The following NUDCD1 variants were observed in gnomAD, a reference collection of about 807,000 sequenced individuals.
NUDCD1 encodes the protein NudC domain containing 1, also known as nudC domain-containing protein 1.
In NUDCD1, 60 loss-of-function variants were observed where a neutral mutation model predicts 67.8. The ratio of observed to expected loss-of-function variants is 0.88; its 90% CI spans 0.72 to 1.10. The LOEUF is 1.10. NUDCD1 is among the 50% of genes least tolerant of loss of function. The pLI is 0.00. For missense variants in NUDCD1, 643 were observed against 695.0 expected, an observed-to-expected ratio of 0.93 and a Z score of 0.84; for synonymous variants, 244 against 230.8, an observed-to-expected ratio of 1.06 and a Z score of -0.52.
intron 2 of NUDCD1, among the ~76,000 whole-genome samples, chr8:109,299,121 C>T (rs1028251324): frequency 6.6e-6 from 1 of 152,196 alleles, no homozygotes; most frequent in Non-Finnish European, 1.5e-5. Context: ...GGTTCCCTAA[C>T]AAACCATTTC....
At chr8:109,267,310 T>C (rs1814026308) in intron 8 of NUDCD1, among the ~76,000 whole-genome samples, 1 of 152,162 alleles carries the variant, frequency 6.6e-6, no homozygotes, top group Non-Finnish European at 1.5e-5. Flanking sequence ...TGGTGTCTGT[T>C]GTTTTTATTT....
At chr8:109,297,051 A>G (rs1814861309) in intron 2 of NUDCD1, among the ~76,000 whole-genome samples, 1 of 152,192 alleles carries the variant, frequency 6.6e-6, no homozygotes, top group South Asian at 2.1e-4. Flanking sequence ...ACCCACCTGA[A>G]CTACTCCCTG....
At position 109,271,145 on chromosome 8, in the gene NUDCD1, T is replaced by G; in HGVS notation, c.1174-15A>C. 6.7e-7 allele frequency: 1 copy of G among 1,495,666 alleles called. No homozygotes were observed. The highest frequency in any genetic ancestry group is 9.1e-7 in the Non-Finnish European group (1 of 1,098,670). The allele number at this position is 1,495,666 out of a possible 1,614,324, so 92.6% of individuals were successfully genotyped here. A position where few individuals can be genotyped will look rare whatever the true frequency, so the allele number is the denominator to read the frequency against. ...GGATTTGGATTCTTAGTCCAGAAAA[T>G]AAAATAAGTAAATAAGTAAAACAAA... is the stretch of plus-strand genomic sequence containing the variant. On this transcript the variant is annotated splice_polypyrimidine_tract_variant and intron_variant, in intron 7 of 9. Transcript: ENST00000239690.
chr8:109,303,958 A>G (rs1303311343), intron 2 of NUDCD1, among the ~76,000 whole-genome samples: 1 of 152,022 alleles, frequency 6.6e-6, no homozygotes, highest in Non-Finnish European at 1.5e-5. Flanking sequence ...CGCCTTATCA[A>G]CCACCCCATG....
intron 7 of NUDCD1, among the ~76,000 whole-genome samples, chr8:109,272,895 T>A (rs181890309): frequency 2.0e-5 from 3 of 152,284 alleles, no homozygotes; most frequent in African/African-American, 2.4e-5. Flanking sequence ...TTGATGCCAT[T>A]GTGCACAGTG....
At chr8:109,313,676 C>A (rs1815315131) in intron 2 of NUDCD1, 1 of 402,776 alleles carries the variant, frequency 2.5e-6, no homozygotes, top group Non-Finnish European at 4.9e-6. Flanking sequence ...ACTACATGGC[C>A]CCACACTGCA....
At chr8:109,295,142 A>G (rs1284864880) in intron 3 of NUDCD1, among the ~76,000 whole-genome samples, 1 of 152,172 alleles carries the variant, frequency 6.6e-6, no homozygotes, top group Non-Finnish European at 1.5e-5. Flanking sequence ...AAGGGGATAC[A>G]CAAAACAAAA....
At position 109,271,072 on chromosome 8, in the gene NUDCD1, T is replaced by A; in HGVS notation, c.1232A>T (p.Asp411Val). The A allele has an allele frequency of 6.3e-7, 1 of 1,594,394 alleles. No individual in the cohort carries two copies. Among genetic ancestry groups the A allele is most frequent in the Non-Finnish European group, 8.6e-7 (1 of 1,164,308 alleles). The change falls in exon 8 of 10, where the codon GAT (aspartate) becomes GTT (valine). Residue 411 changes from aspartate (D) to valine (V), a missense_variant. Physicochemically the swap from Asp to Val is radical, Grantham distance 152. Coordinates refer to ENST00000239690, the MANE Select transcript of NUDCD1 (RefSeq NM_032869.4). The stretch of plus-strand genomic sequence containing the variant: ...ACTGGAGCTCTCTTCAAAGAAAATA[T>A]CACATTCTTCTAACTCTTGAGCATT... The part of the protein sequence containing the change: ...PCNAQELEEC[D>V]IFFEESSSLC...
At chr8:109,253,096 C>T (rs1251782401) in intron 8 of NUDCD1, among the ~76,000 whole-genome samples, 4 of 152,128 alleles carry the variant, frequency 2.6e-5, no homozygotes, top group Non-Finnish European at 5.9e-5. Context: ...CAAAGTTAAC[C>T]GTCTTTAATC....
intron 5 of NUDCD1, among the ~76,000 whole-genome samples, chr8:109,285,537 C>G (rs527851328): frequency 6.6e-6 from 1 of 152,044 alleles, no homozygotes; most frequent in Admixed American, 6.6e-5. Context: ...TGATTCACTA[C>G]ATAAACAGAA....
intron 7 of NUDCD1, 45 bp from the exon 8 acceptor site, chr8:109,271,175 C>A (rs775392825): frequency 5.2e-5 from 69 of 1,334,354 alleles, no homozygotes; most frequent in Non-Finnish European, 6.9e-5. Context: ...AACAAATAAA[C>A]AAGGGAATGG....
At chr8:109,296,104 A>G (rs1334401264) in intron 3 of NUDCD1, among the ~76,000 whole-genome samples, 2 of 152,188 alleles carry the variant, frequency 1.3e-5, no homozygotes, top group African/African-American at 2.4e-5. Flanking sequence ...GGCAACGCCA[A>G]TGCTTAATGA....
chr8:109,324,594 AG>A (rs1202153052), intron 1 of NUDCD1, among the ~76,000 whole-genome samples: 2 of 152,232 alleles, frequency 1.3e-5, no homozygotes, highest in Admixed American at 1.3e-4. Flanking sequence ...GTATATCAAA[AG>A]GAATACCGTC....
chr8:109,252,583 G>A (rs140149739), intron 8 of NUDCD1, among the ~76,000 whole-genome samples: 28 of 152,280 alleles, frequency 1.8e-4, no homozygotes, highest in African/African-American at 6.7e-4. Flanking sequence ...GATCCTTTAA[G>A]TGTGAGCAAC....
At chr8:109,297,608 C>T (rs893305675) in intron 2 of NUDCD1, among the ~76,000 whole-genome samples, 1 of 152,180 alleles carries the variant, frequency 6.6e-6, no homozygotes, top group Non-Finnish European at 1.5e-5. Flanking sequence ...ATCTTAGAAG[C>T]AGAGACTGAA....
chr8:109,329,892 A>T, intron 1 of NUDCD1: 1 of 1,544,134 alleles, frequency 6.5e-7, no homozygotes, highest in Non-Finnish European at 8.7e-7. Context: ...AGCAAAGAAA[A>T]CATACTGGAT....
chr8:109,264,293 T>C (rs1813938991), intron 8 of NUDCD1, among the ~76,000 whole-genome samples: 1 of 152,214 alleles, frequency 6.6e-6, no homozygotes, highest in Non-Finnish European at 1.5e-5. Flanking sequence ...CACCCAAAAG[T>C]ATTTGTTGCC....
At chr8:109,305,853 G>A (rs1815090105) in intron 2 of NUDCD1, among the ~76,000 whole-genome samples, 1 of 152,132 alleles carries the variant, frequency 6.6e-6, no homozygotes, top group Admixed American at 6.5e-5. Context: ...GTGCCCGTCA[G>A]CCAGCCAGCC....
intron 6 of NUDCD1, among the ~76,000 whole-genome samples, chr8:109,279,310 C>A (rs958458684): frequency 2.0e-5 from 3 of 152,086 alleles, no homozygotes; most frequent in Non-Finnish European, 4.4e-5. Flanking sequence ...AAGTTTTAGT[C>A]ATGTATTGGT....
Sources: gnomAD v4.1 joint callset for allele counts (sites outside exome capture counted in the v4.1 genomes callset) on GRCh38, gnomAD v4.1.1 for gene constraint, MANE v1.5 for transcripts, NCBI Gene and HGNC (gene_info 2026-07-23, HGNC 2026-07-21) for gene names.